The following SNAP25 variants were observed in gnomAD, a reference collection of about 807,000 sequenced individuals.
SNAP25 encodes the protein synaptosome associated protein 25.
A neutral mutation model predicts 28.7 loss-of-function variants in SNAP25; 3 were observed. That is an observed-to-expected ratio of 0.10 (90% CI 0.05 to 0.27). The LOEUF (loss-of-function observed/expected upper bound fraction) is 0.27. SNAP25 is among the 10% of genes least tolerant of loss of function. The probability of loss-of-function intolerance (pLI) is 1.00; values close to 1 mark genes in which losing one functional copy is unlikely to be tolerated. For missense variants in SNAP25, 117 were observed against 278.7 expected, an observed-to-expected ratio of 0.42 and a Z score of 4.13; for synonymous variants, 61 against 88.1, an observed-to-expected ratio of 0.69 and a Z score of 1.72.
chr20:10,283,889 T>A (rs1188676563), intron 3 of SNAP25, among the ~76,000 whole-genome samples: 1 of 152,178 alleles, frequency 6.6e-6, no homozygotes, highest in Non-Finnish European at 1.5e-5. Flanking sequence ...TAAGTATGAG[T>A]GATACAGATA....
intron 1 of SNAP25, among the ~76,000 whole-genome samples, chr20:10,238,107 T>G (rs1287048906): frequency 2.0e-5 from 3 of 152,202 alleles, no homozygotes; most frequent in African/African-American, 7.2e-5. Flanking sequence ...AAGACATCTT[T>G]GAATCTCCAA....
At chr20:10,221,811 C>T (rs1249024272) in intron 1 of SNAP25, among the ~76,000 whole-genome samples, 1 of 152,208 alleles carries the variant, frequency 6.6e-6, no homozygotes, top group African/African-American at 2.4e-5. Context: ...GCCAGTGACA[C>T]CTAGAAGCTG....
chr20:10,231,280 A>C (rs920768209), intron 1 of SNAP25, among the ~76,000 whole-genome samples: 1 of 152,146 alleles, frequency 6.6e-6, no homozygotes, highest in African/African-American at 2.4e-5. Context: ...CTGATGTCTT[A>C]CATTGCCCTT....
chr20:10,239,081 C>T (rs1014044574), intron 1 of SNAP25, among the ~76,000 whole-genome samples: 1 of 152,048 alleles, frequency 6.6e-6, no homozygotes, highest in East Asian at 1.9e-4. Flanking sequence ...ATGGAAAATG[C>T]CCTGGTATAG....
rs2123002598 is a variant in SNAP25, at chr20:10,275,471, C to A, written c.-21C>A. On this transcript the variant is annotated 5_prime_UTR_variant, in exon 2 of 8. Transcript: ENST00000254976. ...TCACTGACCCCCCAGCCCAGGCGCC[C>A]AGCCACTCCCCACCGCTACCATGGC... 1.3e-6 allele frequency: 2 copies of A among 1,593,032 alleles called. No individual in the cohort carries two copies. Among genetic ancestry groups the A allele is most frequent in the Admixed American group, 1.8e-5 (1 of 56,970 alleles).
At chr20:10,256,912 T>C (rs1197873785) in intron 1 of SNAP25, among the ~76,000 whole-genome samples, 2 of 152,246 alleles carry the variant, frequency 1.3e-5, no homozygotes, top group Admixed American at 6.5e-5. Flanking sequence ...ATTTTCATAA[T>C]GTAATTGACT....
intron 3 of SNAP25, among the ~76,000 whole-genome samples, chr20:10,278,351 T>C (rs2123023893): frequency 6.6e-6 from 1 of 152,290 alleles, no homozygotes; most frequent in Admixed American, 6.5e-5. Flanking sequence ...TCCCAAACTA[T>C]TTTTAAATGG....
intron 1 of SNAP25, among the ~76,000 whole-genome samples, chr20:10,245,241 C>T (rs1394131015): frequency 5.3e-5 from 8 of 152,216 alleles, no homozygotes. Context: ...CTCTCTCTCA[C>T]TGTCTATATC....
chr20:10,293,351 GC>G lies in SNAP25; in HGVS notation c.281+75del, dbSNP rs2064039526. 8.5e-7 allele frequency: 1 copy of G among 1,171,560 alleles called. No individual in the cohort carries two copies. The highest frequency in any genetic ancestry group is 1.5e-5 in the African/African-American group (1 of 66,196). 72.6% of individuals were successfully genotyped at this position (1,171,560 alleles called of 1,614,324 possible). The stretch of plus-strand genomic sequence containing the variant: ...TCCAAGCCTTGACAAGCTCATTCCT[GC>G]CAAGCTCATAGGCAGGATGAGCATG... On this transcript the variant is annotated intron_variant, in intron 5 of 7. Coordinates refer to ENST00000254976, the MANE Select transcript of SNAP25 (RefSeq NM_130811.4). The surrounding 1 kb of genome is among the most constrained non-coding windows in gnomAD (Gnocchi z 5.6).
intron 3 of SNAP25, among the ~76,000 whole-genome samples, chr20:10,284,359 G>T (rs2063834637): frequency 6.6e-6 from 1 of 152,054 alleles, no homozygotes; most frequent in Non-Finnish European, 1.5e-5. Context: ...GATTTCCAAA[G>T]GTTTGCTTTC....
intron 3 of SNAP25, among the ~76,000 whole-genome samples, chr20:10,281,830 G>C (rs1568614425): frequency 6.6e-6 from 1 of 152,186 alleles, no homozygotes; most frequent in African/African-American, 2.4e-5. Context: ...GCTTCCCATA[G>C]AGGTGAACCT....
chr20:10,301,072 T>C (rs2064224316), intron 7 of SNAP25, among the ~76,000 whole-genome samples: 1 of 152,210 alleles, frequency 6.6e-6, no homozygotes, highest in Admixed American at 6.5e-5. Flanking sequence ...CAATTAGGGT[T>C]CCAGAAGGAG....
intron 1 of SNAP25, among the ~76,000 whole-genome samples, chr20:10,232,894 T>C (rs1158827): frequency 0.89 from 134,976 of 152,108 alleles, 59,968 homozygotes; most frequent in Middle Eastern, 0.95. Flanking sequence ...TTTATGCCCC[T>C]TTCCCGCAAT....
chr20:10,301,953 T>C (rs1354061999), intron 7 of SNAP25, among the ~76,000 whole-genome samples: 10 of 149,538 alleles, frequency 6.7e-5, no homozygotes, highest in Non-Finnish European at 5.9e-5. Flanking sequence ...TATATAGATA[T>C]ACCTTCTAAG....
intron 1 of SNAP25, among the ~76,000 whole-genome samples, chr20:10,273,343 T>C (rs760335506): frequency 2.0e-4 from 30 of 152,262 alleles, no homozygotes; most frequent in Non-Finnish European, 3.5e-4. Flanking sequence ...GCAATGTTTC[T>C]GTTTCATTTT....
intron 4 of SNAP25, among the ~76,000 whole-genome samples, chr20:10,286,622 A>G (rs6108461): frequency 0.56 from 85,085 of 151,950 alleles, 24,862 homozygotes; most frequent in African/African-American, 0.73. Flanking sequence ...GTGGCAGCCT[A>G]CATAGGTGCA....
At chr20:10,267,624 C>G (rs1368147915) in intron 1 of SNAP25, among the ~76,000 whole-genome samples, 2 of 152,152 alleles carry the variant, frequency 1.3e-5, no homozygotes, top group Admixed American at 6.5e-5. Flanking sequence ...ATGATCTTGG[C>G]TCACTACAAC....
At chr20:10,222,131 A>C (rs2062645729) in intron 1 of SNAP25, among the ~76,000 whole-genome samples, 1 of 152,242 alleles carries the variant, frequency 6.6e-6, no homozygotes, top group South Asian at 2.1e-4. Flanking sequence ...ACAGAAATGA[A>C]TCCCATGGGA....
intron 1 of SNAP25, among the ~76,000 whole-genome samples, chr20:10,257,466 A>G (rs1257165423): frequency 6.6e-6 from 1 of 152,168 alleles, no homozygotes; most frequent in Non-Finnish European, 1.5e-5. Context: ...CTGTCCCAGC[A>G]CTTTGGGAGG....
Sources: gnomAD v4.1 joint callset for allele counts (sites outside exome capture counted in the v4.1 genomes callset) on GRCh38, gnomAD v4.1.1 for gene constraint, Gnocchi (gnomAD v3.1) non-coding constraint, MANE v1.5 for transcripts, NCBI Gene and HGNC (gene_info 2026-07-23, HGNC 2026-07-21) for gene names.